The following VSTM5 variants were observed in gnomAD, a reference collection of about 807,000 sequenced individuals.
VSTM5 encodes the protein V-set and transmembrane domain containing 5.
VSTM5 carries 21 observed loss-of-function variants against 20.3 expected under a neutral mutation model. The ratio of observed to expected loss-of-function variants is 1.03; its 90% CI spans 0.73 to 1.49. The LOEUF (loss-of-function observed/expected upper bound fraction) is 1.49, where lower values mean the gene tolerates loss of function less well. Ranked by LOEUF, VSTM5 falls within the 40% of genes most tolerant of loss-of-function variation. The pLI is 0.00. For missense variants in VSTM5, 219 were observed against 250.0 expected (o/e 0.88, Z 0.84); for synonymous variants, 100 against 102.5 (o/e 0.98, Z 0.14).
Position 93,827,986 on chromosome 11 carries a change from C to CT in VSTM5, c.92-6664dup, listed in dbSNP as rs889326486. Among the ~76,000 whole-genome samples the CT allele has an allele frequency of 1.1e-3, 161 of 152,184 alleles. 1 individual carries two copies. The highest frequency in any genetic ancestry group is 3.7e-3 in the African/African-American group (155 of 41,536). ...CCTCAGAGATCAAATGGCAGGAGAA[C>CT]TTTATTTTCCATGTAAGCCATTTAT... On this transcript the variant is annotated intron_variant, in intron 1 of 3. Coordinates refer to ENST00000409977, the MANE Select transcript of VSTM5 (RefSeq NM_001144871.2).
intron 1 of VSTM5, among the ~76,000 whole-genome samples, chr11:93,844,763 C>T (rs778117748): frequency 3.9e-5 from 6 of 152,230 alleles, no homozygotes; most frequent in Non-Finnish European, 8.8e-5. Flanking sequence ...AACTGCCTTT[C>T]TCAGTGCCCC....
chr11:93,829,052 G>A (rs958390887), intron 1 of VSTM5, among the ~76,000 whole-genome samples: 12 of 152,156 alleles, frequency 7.9e-5, no homozygotes, highest in Admixed American at 3.3e-4. Context: ...GCAACAGGCC[G>A]GGCAATGACA....
rs1271115179 is a variant in VSTM5 at position 93,821,249 on chromosome 11, C to A, written c.166G>T (p.Glu56Ter). The A allele has an allele frequency of 6.4e-7, 1 of 1,551,728 alleles. No homozygotes were observed. The highest frequency in any genetic ancestry group is 8.7e-7 in the Non-Finnish European group (1 of 1,147,034). ...GTGGGCACTCCATGACAGGAGTACT[C>A]AACTGAGAGCAGGATGTCTTCTTTG... ...TVKEDILLSV[E>*]YSCHGVPTIE... The change falls in exon 2 of 4, where the codon GAG (glutamate) becomes TAG (stop). Residue 56 changes from glutamate to a stop codon, truncating the protein, a stop_gained. Coordinates refer to ENST00000409977, the MANE Select transcript of VSTM5 (RefSeq NM_001144871.2). LOFTEE classifies it high-confidence loss of function.
chr11:93,832,602 T>C (rs1203326648), intron 1 of VSTM5, among the ~76,000 whole-genome samples: 1 of 152,232 alleles, frequency 6.6e-6, no homozygotes, highest in Admixed American at 6.5e-5. Flanking sequence ...AGATTGAGTC[T>C]GAGCCTTAGA....
intron 1 of VSTM5, among the ~76,000 whole-genome samples, chr11:93,841,890 T>C (rs12290442): frequency 0.2 from 30,999 of 152,154 alleles, 3,458 homozygotes; most frequent in Admixed American, 0.33. Context: ...TGAGGCAGTG[T>C]GTGTAGAACA....
intron 1 of VSTM5, among the ~76,000 whole-genome samples, chr11:93,825,759 T>C (rs1376145055): frequency 1.3e-5 from 2 of 151,814 alleles, no homozygotes; most frequent in Non-Finnish European, 2.9e-5. Flanking sequence ...CTTTTTCTTT[T>C]CTTTTTTCTT....
chr11:93,842,497 G>T (rs1262405127), intron 1 of VSTM5, among the ~76,000 whole-genome samples: 2 of 152,234 alleles, frequency 1.3e-5, no homozygotes, highest in Non-Finnish European at 2.9e-5. Context: ...CACAGGGTAT[G>T]TAAAAGCCAC....
chr11:93,826,641 C>G (rs183413638), intron 1 of VSTM5, among the ~76,000 whole-genome samples: 260 of 152,098 alleles, frequency 1.7e-3, no homozygotes, highest in Non-Finnish European at 1.4e-3. Context: ...CCTCGTGATC[C>G]GCCCGCCTCA....
Position 93,820,361 on chromosome 11 carries a change from T to C in VSTM5, c.*208A>G. On this transcript the variant is annotated 3_prime_UTR_variant, in exon 4 of 4. Coordinates refer to ENST00000409977, the MANE Select transcript of VSTM5 (RefSeq NM_001144871.2). ...CCTGGTTCAAAGCCTCAATCACTCT[T>C]CTCCTTGAACTTAGCGCGAGTCCTA... The C allele has an allele frequency of 8.6e-6, 5 of 582,986 alleles. No homozygotes were observed. The highest frequency in any genetic ancestry group is 1.5e-5 in the Non-Finnish European group (5 of 329,928). 36.1% of individuals were successfully genotyped at this position (582,986 alleles called of 1,614,324 possible). A position where few individuals can be genotyped will look rare whatever the true frequency, so the allele number is the denominator to read the frequency against.
At chr11:93,834,907 A>G (rs34631197) in intron 1 of VSTM5, among the ~76,000 whole-genome samples, 6,240 of 152,226 alleles carry the variant, frequency 0.041, 397 homozygotes, top group African/African-American at 0.14. Flanking sequence ...GCCTTCATGA[A>G]TGAACGAACC....
intron 1 of VSTM5, among the ~76,000 whole-genome samples, chr11:93,839,594 TATC>T (rs2135737490): frequency 6.6e-6 from 1 of 152,248 alleles, no homozygotes; most frequent in East Asian, 1.9e-4. Flanking sequence ...AAAGAAATAT[TATC>T]ATAGTCCACC....
At chr11:93,844,352 C>A (rs1451131898) in intron 1 of VSTM5, among the ~76,000 whole-genome samples, 1 of 152,150 alleles carries the variant, frequency 6.6e-6, no homozygotes, top group Non-Finnish European at 1.5e-5. Context: ...GAAGGGCAAA[C>A]TGTCAGAGGA....
chr11:93,836,655 T>G (rs1466592090), intron 1 of VSTM5, among the ~76,000 whole-genome samples: 1 of 152,240 alleles, frequency 6.6e-6, no homozygotes, highest in Non-Finnish European at 1.5e-5. Flanking sequence ...AGGTCTCTTC[T>G]TGTATGTTTT....
intron 1 of VSTM5, among the ~76,000 whole-genome samples, chr11:93,825,941 A>G (rs1025107246): frequency 2.6e-5 from 4 of 151,984 alleles, no homozygotes; most frequent in Non-Finnish European, 2.9e-5. Flanking sequence ...GATTTTAAAA[A>G]AAAAAGAAAT....
At position 93,825,326 on chromosome 11, in the gene VSTM5, C is replaced by T. The variant is rs560010236; in HGVS notation, c.92-4003G>A. Reference sequence around the variant, plus strand: ...CTGGGACTATAGGTGTGCACCACCACATCCAGGTAACTTTTGTATTTTTTG... The same window carrying T: ...CTGGGACTATAGGTGTGCACCACCATATCCAGGTAACTTTTGTATTTTTTG... On this transcript the variant is annotated intron_variant, in intron 1 of 3. Coordinates refer to ENST00000409977, the MANE Select transcript of VSTM5 (RefSeq NM_001144871.2). Among the ~76,000 whole-genome samples the T allele has an allele frequency of 1.1e-3, 162 of 152,284 alleles. 1 individual carries two copies. Among genetic ancestry groups the T allele is most frequent in the African/African-American group, 3.8e-3 (156 of 41,558 alleles).
At chr11:93,834,762 G>A (rs1172690596) in intron 1 of VSTM5, among the ~76,000 whole-genome samples, 42 of 116,028 alleles carry the variant, frequency 3.6e-4, no homozygotes, top group African/African-American at 1.1e-3. Context: ...CAGCCTGGGC[G>A]ACAGAGTGAG....
At chr11:93,825,584 C>T (rs1039686436) in intron 1 of VSTM5, among the ~76,000 whole-genome samples, 4 of 152,186 alleles carry the variant, frequency 2.6e-5, no homozygotes, top group Admixed American at 6.5e-5. Flanking sequence ...TTCCCATCCA[C>T]GAACATAGGG....
intron 1 of VSTM5, among the ~76,000 whole-genome samples, chr11:93,822,682 G>A (rs1944198534): frequency 6.6e-6 from 1 of 151,888 alleles, no homozygotes; most frequent in Non-Finnish European, 1.5e-5. Context: ...TAGAAATGGG[G>A]TTTTGTCATG....
intron 1 of VSTM5, among the ~76,000 whole-genome samples, chr11:93,843,047 C>T (rs641398): frequency 0.56 from 84,292 of 151,506 alleles, 25,562 homozygotes; most frequent in South Asian, 0.75. Flanking sequence ...GCTGAGATCA[C>T]GCCACTGCAC....
Sources: gnomAD v4.1 joint callset for allele counts (sites outside exome capture counted in the v4.1 genomes callset) on GRCh38, gnomAD v4.1.1 for gene constraint, MANE v1.5 for transcripts, NCBI Gene and HGNC (gene_info 2026-07-23, HGNC 2026-07-21) for gene names.